The following PDE1C variants were observed in gnomAD, a reference collection of about 807,000 sequenced individuals.
PDE1C encodes the protein dual specificity calcium/calmodulin-dependent 3',5'-cyclic nucleotide phosphodiesterase 1C.
Under a neutral mutation model 93.1 loss-of-function variants are expected in PDE1C, and 62 were observed. The observed-to-expected ratio is 0.67, with a 90% confidence interval of 0.54 to 0.82. PDE1C has a LOEUF of 0.82. PDE1C is among the 40% of genes least tolerant of loss of function. The probability of loss-of-function intolerance (pLI) is 0.00; values close to 1 mark genes in which losing one functional copy is unlikely to be tolerated. For synonymous variants in PDE1C, 325 were observed against 310.1 expected (o/e 1.05, Z -0.50); for missense variants, 742 against 884.6 (o/e 0.84, Z 2.04).
chr7:32,067,540 G>C (rs183531221), intron 1 of PDE1C, among the ~76,000 whole-genome samples: 3 of 152,310 alleles, frequency 2.0e-5, no homozygotes, highest in Admixed American at 2.0e-4. Flanking sequence ...GATAACCACA[G>C]AAATCCTCTT....
chr7:32,192,058 G>C (rs977591337), intron 2 of PDE1C, among the ~76,000 whole-genome samples: 3 of 151,930 alleles, frequency 2.0e-5, no homozygotes, highest in Non-Finnish European at 2.9e-5. Flanking sequence ...TATTCAAAAT[G>C]CATCGTTTGC....
intron 1 of PDE1C, among the ~76,000 whole-genome samples, chr7:32,219,890 C>T (rs550195231): frequency 6.6e-6 from 1 of 152,268 alleles, no homozygotes; most frequent in Admixed American, 6.5e-5. Context: ...GTGGGAGGGA[C>T]CCAGTGGGAG....
In PDE1C at chr7:31,868,376, A is replaced by G. The variant is rs550131404; in HGVS notation, c.610-3294T>C. Among the ~76,000 whole-genome samples, 79 of 152,338 alleles carry G rather than the reference A, an allele frequency of 5.2e-4. 1 individual carries two copies. Among genetic ancestry groups the G allele is most frequent in the Non-Finnish European group, 8.5e-4 (58 of 68,036 alleles). On this transcript the variant is annotated intron_variant, in intron 6 of 17. Transcript: ENST00000396191. Reference sequence around the variant, plus strand: ...TCATACAAATTAGCAAAGAGAAATTATGGAATGGAAGAATTCATTTAATGA... The same window carrying G: ...TCATACAAATTAGCAAAGAGAAATTGTGGAATGGAAGAATTCATTTAATGA...
the PDE1C span, among the ~76,000 whole-genome samples, chr7:31,699,896 GTTAAC>G: frequency 2.6e-5 from 4 of 152,012 alleles, no homozygotes; most frequent in Non-Finnish European, 5.9e-5. Context: ...ATATAAGACT[GTTAAC>G]TTAATCTATA....
intron 17 of PDE1C, among the ~76,000 whole-genome samples, chr7:31,760,330 A>G (rs188970459): frequency 3.2e-4 from 49 of 152,334 alleles, no homozygotes; most frequent in African/African-American, 1.2e-3. Flanking sequence ...ATGGTATCAC[A>G]CTATATCAAG....
intron 16 of PDE1C, among the ~76,000 whole-genome samples, chr7:31,802,872 T>C (rs990540000): frequency 1.3e-4 from 20 of 151,782 alleles, no homozygotes; most frequent in Non-Finnish European, 2.4e-4. Context: ...AATCTGACTA[T>C]AGTATGCTTT....
At chr7:31,843,762 A>T (rs1167516657) in intron 9 of PDE1C, among the ~76,000 whole-genome samples, 4 of 151,568 alleles carry the variant, frequency 2.6e-5, no homozygotes, top group Non-Finnish European at 5.9e-5. Context: ...TTCCCTTTGC[A>T]TTAACTTTTC....
intron 2 of PDE1C, among the ~76,000 whole-genome samples, chr7:31,953,482 A>G (rs1807692071): frequency 6.6e-6 from 1 of 152,236 alleles, no homozygotes; most frequent in African/African-American, 2.4e-5. Flanking sequence ...GTAGAAATTG[A>G]TAACTGTCAG....
intron 1 of PDE1C, among the ~76,000 whole-genome samples, chr7:32,242,079 C>T (rs1464326819): frequency 1.3e-5 from 2 of 152,072 alleles, no homozygotes; most frequent in African/African-American, 2.4e-5. Flanking sequence ...CCAGATAGCA[C>T]AAGGATCCAT....
chr7:32,242,200 G>T (rs537089338), intron 1 of PDE1C, among the ~76,000 whole-genome samples: 1 of 152,260 alleles, frequency 6.6e-6, no homozygotes, highest in South Asian at 2.1e-4. Context: ...GTATGCAAGG[G>T]AGTGATTGTA....
the PDE1C span, among the ~76,000 whole-genome samples, chr7:31,662,070 G>A: frequency 5.5e-4 from 84 of 152,202 alleles, no homozygotes; most frequent in Non-Finnish European, 1.0e-3. Flanking sequence ...AGGTAATACT[G>A]TCATCACTTT....
At chr7:32,258,539 C>A (rs1042120881) in intron 1 of PDE1C, among the ~76,000 whole-genome samples, 2 of 152,166 alleles carry the variant, frequency 1.3e-5, no homozygotes, top group African/African-American at 2.4e-5. Flanking sequence ...CTGCCAAATT[C>A]TCCATTAACA....
the PDE1C span, among the ~76,000 whole-genome samples, chr7:31,694,359 A>G: frequency 7.4e-6 from 1 of 134,314 alleles, no homozygotes; most frequent in Admixed American, 7.4e-5. Context: ...GCAAACATTA[A>G]CAATTTTAGC....
At chr7:32,349,333 T>C (rs76072062) in intron 1 of PDE1C, among the ~76,000 whole-genome samples, 16 of 152,268 alleles carry the variant, frequency 1.1e-4, no homozygotes, top group Non-Finnish European at 2.2e-4. Flanking sequence ...GGGGCAGGTG[T>C]CACATTGAAC....
intron 3 of PDE1C, among the ~76,000 whole-genome samples, chr7:32,160,392 A>G (rs534022167): frequency 6.6e-5 from 10 of 152,250 alleles, no homozygotes; most frequent in Admixed American, 1.3e-4. Flanking sequence ...ATCTTGGGGT[A>G]TTGACAAAGT....
the PDE1C span, among the ~76,000 whole-genome samples, chr7:31,656,952 C>T: frequency 6.7e-6 from 1 of 149,180 alleles, no homozygotes; most frequent in Non-Finnish European, 1.5e-5. Context: ...GATGCTGCCT[C>T]CAAATACCAC....
chr7:31,893,481 G>A, intron 2 of PDE1C: 1 of 984,566 alleles, frequency 1.0e-6, no homozygotes, highest in Non-Finnish European at 1.2e-6. Flanking sequence ...ACTTACTTAT[G>A]CAGTCCCATC....
chr7:31,911,798 A>T (rs2128939343), intron 2 of PDE1C, among the ~76,000 whole-genome samples: 1 of 152,330 alleles, frequency 6.6e-6, no homozygotes, highest in African/African-American at 2.4e-5. Context: ...CAAGTCAGTT[A>T]GAAAATCTGT....
the PDE1C span, among the ~76,000 whole-genome samples, chr7:31,619,855 A>C: frequency 6.6e-6 from 1 of 152,268 alleles, no homozygotes; most frequent in Admixed American, 6.5e-5. Context: ...TTTCCTAGTC[A>C]AAGAAAGGGG....
Sources: gnomAD v4.1 joint callset for allele counts (sites outside exome capture counted in the v4.1 genomes callset) on GRCh38, gnomAD v4.1.1 for gene constraint, MANE v1.5 for transcripts, NCBI Gene and HGNC (gene_info 2026-07-23, HGNC 2026-07-21) for gene names.